Variants in NSRP1 observed in about 807,000 individuals in gnomAD.
The protein encoded by NSRP1 is nuclear speckle splicing regulatory protein 1.
Under a neutral mutation model 54.7 loss-of-function variants are expected in NSRP1, and 24 were observed. That is an observed-to-expected ratio of 0.44 (90% CI 0.32 to 0.62). NSRP1 has a LOEUF of 0.62. Among genes scored for constraint, NSRP1 ranks in the 20% least tolerant of loss-of-function variants. NSRP1 has a pLI of 0.06. For missense variants in NSRP1, 596 were observed against 651.2 expected (o/e 0.92, Z 0.92); for synonymous variants, 210 against 213.8 (o/e 0.98, Z 0.15).
chr17:30,129,474 T>TA (rs1344393995), intron 2 of NSRP1, among the ~76,000 whole-genome samples: 1 of 152,100 alleles, frequency 6.6e-6, no homozygotes, highest in East Asian at 1.9e-4. Context: ...ATTAGCAAGT[T>TA]ACAGGATTAC....
chr17:30,121,450 G>C (rs1251899868), intron 2 of NSRP1, among the ~76,000 whole-genome samples: 1 of 144,252 alleles, frequency 6.9e-6, no homozygotes, highest in African/African-American at 2.6e-5. Flanking sequence ...CCTGATGCAA[G>C]ATCTTTTTTT....
At position 30,117,569 on chromosome 17, in the gene NSRP1, G is replaced by A. The variant is rs1428958668; in HGVS notation, c.21-511G>A. On this transcript the variant is annotated intron_variant, in intron 1 of 6. Coordinates refer to ENST00000247026, the MANE Select transcript of NSRP1 (RefSeq NM_032141.4). ...AAAGTGTAATGCGAACTTGCCCCAT[G>A]GCTACTTGGGTTTCTCAGTTATCTT... 7.7e-6 allele frequency: 3 copies of A among 388,412 alleles called. No homozygotes were observed. The Admixed American group carries it at 1.3e-4, about 16-fold the overall frequency. 24.1% of individuals were successfully genotyped at this position (388,412 alleles called of 1,614,324 possible). A position where few individuals can be genotyped will look rare whatever the true frequency, so the allele number is the denominator to read the frequency against.
At chr17:30,157,746 G>A (rs1597611387) in intron 2 of NSRP1, among the ~76,000 whole-genome samples, 1 of 152,036 alleles carries the variant, frequency 6.6e-6, no homozygotes, top group South Asian at 2.1e-4. Context: ...TCCCACATAT[G>A]AGTGAGGACA....
intron 3 of NSRP1, among the ~76,000 whole-genome samples, chr17:30,176,073 T>C (rs1460982586): frequency 6.6e-6 from 1 of 150,992 alleles, no homozygotes; most frequent in Non-Finnish European, 1.5e-5. Context: ...TTAATCCATA[T>C]ATATTCATAC....
At position 30,179,129 on chromosome 17, in the gene NSRP1, A is replaced by G. The variant is rs1905218487; in HGVS notation, c.340A>G (p.Arg114Gly). 6.3e-7 allele frequency: 1 copy of G among 1,599,930 alleles called. No homozygotes were observed. Among genetic ancestry groups the G allele is most frequent in the Admixed American group, 1.7e-5 (1 of 58,628 alleles). Residue 114 changes from arginine to glycine, a missense_variant, in exon 5 of 7, where the codon AGA becomes GGA. Physicochemically the swap from Arg to Gly is moderately radical, Grantham distance 125 (BLOSUM62 -2). Transcript: ENST00000247026. ...CAACTTGCTAAAAGCAGTTGAGATC[A>G]GAAAAAAGGAACAGGAAAAAAGAAT... is the stretch of plus-strand genomic sequence containing the variant. ...IHNLLKAVEIRKKEQEKRMEK... is the reference protein window; with the variant it reads ...IHNLLKAVEIGKKEQEKRMEK...
chr17:30,116,895 G>C, intron 1 of NSRP1, 32 bp downstream of exon 1: 1 of 1,564,430 alleles, frequency 6.4e-7, no homozygotes, highest in South Asian at 1.2e-5. Flanking sequence ...GTCAGGCTGG[G>C]GGATGAGAAA....
rs149322530 is a variant in NSRP1, at chr17:30,137,597, T to G, written c.114+19424T>G. On this transcript the variant is annotated intron_variant, in intron 2 of 6. Transcript: ENST00000247026. ...GAAATAAACCTTTGTATTGTAAGCC[T>G]TGAGACTTTGGTGATGTTTGTTAAC... is the stretch of plus-strand genomic sequence containing the variant. Among the ~76,000 whole-genome samples, 4 of 152,390 alleles carry G rather than the reference T, an allele frequency of 2.6e-5. No individual in the cohort carries two copies. The East Asian group carries it at 7.7e-4, about 29-fold the overall frequency.
In NSRP1 at chr17:30,179,212, A is replaced by G. The variant is rs1322575110; in HGVS notation, c.423A>G (p.Glu141=). 4.3e-6 allele frequency: 7 copies of G among 1,612,048 alleles called. No individual in the cohort carries two copies. Among genetic ancestry groups the G allele is most frequent in the South Asian group, 3.3e-5 (3 of 90,620 alleles). ...AAAAGGGGGAGTTTGATGATAAAGA[A>G]GCATTTGTGACATCTGCATATAAGA... ...EMEKGEFDDK[E]AFVTSAYKKK... The change falls in exon 5 of 7, where the codon GAA becomes GAG. Residue 141 remains glutamate (E), a synonymous_variant. Coordinates refer to ENST00000247026, the MANE Select transcript of NSRP1 (RefSeq NM_032141.4).
Position 30,126,833 on chromosome 17 carries a change from G to A in NSRP1, c.114+8660G>A, listed in dbSNP as rs964501315. Among the ~76,000 whole-genome samples, 8 of 152,278 alleles carry A rather than the reference G, an allele frequency of 5.3e-5. No individual in the cohort carries two copies. In the East Asian group the frequency reaches 1.5e-3, roughly 29 times the overall value. On this transcript the variant is annotated intron_variant, in intron 2 of 6. Transcript: ENST00000247026. ...CAAGCTCTTGAGCTCAAAGTAAAAC[G>A]CCCACCTTGGCCTCCCAAAGTGCTA...
intron 2 of NSRP1, among the ~76,000 whole-genome samples, chr17:30,153,764 C>T (rs925059169): frequency 1.3e-5 from 2 of 152,138 alleles, no homozygotes; most frequent in African/African-American, 4.8e-5. Flanking sequence ...AGGAAATTTG[C>T]TGACCCCTGC....
At chr17:30,127,251 T>A (rs941210392) in intron 2 of NSRP1, among the ~76,000 whole-genome samples, 2 of 152,224 alleles carry the variant, frequency 1.3e-5, no homozygotes, top group African/African-American at 4.8e-5. Context: ...GTTTTTTAGA[T>A]GTTTATCTAT....
At chr17:30,161,722 G>A (rs1400488600) in intron 2 of NSRP1, among the ~76,000 whole-genome samples, 1 of 152,134 alleles carries the variant, frequency 6.6e-6, no homozygotes, top group Non-Finnish European at 1.5e-5. Context: ...TTTTGGATAG[G>A]AAGTATAATT....
At chr17:30,122,904 CTT>C (rs905699570) in intron 2 of NSRP1, among the ~76,000 whole-genome samples, 2 of 151,922 alleles carry the variant, frequency 1.3e-5, no homozygotes, top group African/African-American at 2.4e-5. Context: ...ATGTTGGACA[CTT>C]TTTTGTTTTT....
At chr17:30,124,842 C>T (rs1254494007) in intron 2 of NSRP1, among the ~76,000 whole-genome samples, 1 of 152,180 alleles carries the variant, frequency 6.6e-6, no homozygotes, top group Non-Finnish European at 1.5e-5. Flanking sequence ...ATAAAAAAAT[C>T]AGTCTGGTTA....
rs767158654 is a variant in NSRP1 at position 30,179,193 on chromosome 17, G to A, written c.404G>A (p.Gly135Glu). Residue 135 changes from glycine to glutamate, a missense_variant, in exon 5 of 7, where the codon GGG (glycine) becomes GAG (glutamate). Physicochemically the swap from Gly to Glu is moderately conservative, Grantham distance 98. Coordinates refer to ENST00000247026, the MANE Select transcript of NSRP1 (RefSeq NM_032141.4). ...KIQREREMEK[G>E]EFDDKEAFVT... is the part of the protein sequence containing the mutation. ...CAGAGAGAACGAGAAATGGAAAAGG[G>A]GGAGTTTGATGATAAAGAAGCATTT... 1 of 1,611,430 alleles carries A rather than the reference G, an allele frequency of 6.2e-7. No individual in the cohort carries two copies.
intron 3 of NSRP1, among the ~76,000 whole-genome samples, chr17:30,177,633 G>T (rs889545312): frequency 6.6e-6 from 1 of 152,048 alleles, no homozygotes; most frequent in African/African-American, 2.4e-5. Flanking sequence ...TATAATACAG[G>T]CCTCTCAAAA....
chr17:30,172,408 C>G (rs1904983848), intron 2 of NSRP1, 134 bp from the exon 3 acceptor site: 2 of 556,424 alleles, frequency 3.6e-6, no homozygotes. Context: ...ATTTGGGGTG[C>G]TGAACCAGTA....
chr17:30,118,757 T>C (rs943104839), intron 2 of NSRP1, among the ~76,000 whole-genome samples: 2 of 151,568 alleles, frequency 1.3e-5, no homozygotes, highest in African/African-American at 4.9e-5. Flanking sequence ...CTCTTTTTTT[T>C]TTTTTTTTTG....
intron 2 of NSRP1, among the ~76,000 whole-genome samples, chr17:30,135,230 C>T (rs529565050): frequency 3.3e-5 from 5 of 151,896 alleles, no homozygotes; most frequent in South Asian, 2.1e-4. Flanking sequence ...GCGATCCTCC[C>T]GTTTCAGCCT....
Sources: allele counts gnomAD v4.1 joint callset (sites outside exome capture counted in the v4.1 genomes callset), GRCh38; gene constraint gnomAD v4.1.1; transcripts MANE v1.5; gene names NCBI Gene and HGNC (gene_info 2026-07-23, HGNC 2026-07-21).